ARHGEF19: variants seen among roughly 807,000 people sequenced by gnomAD.
ARHGEF19 encodes the protein Rho guanine nucleotide exchange factor (GEF) 19.
Under a neutral mutation model 87.6 loss-of-function variants are expected in ARHGEF19, and 92 were observed. The ratio of observed to expected loss-of-function variants is 1.05; its 90% CI spans 0.89 to 1.25. The LOEUF (loss-of-function observed/expected upper bound fraction) is 1.25, where lower values mean the gene tolerates loss of function less well. Among genes scored for constraint, ARHGEF19 ranks in the 50% most tolerant of loss-of-function variants. The pLI is 0.00. For synonymous variants in ARHGEF19, 438 were observed against 446.2 expected, an observed-to-expected ratio of 0.98 and a Z score of 0.23; for missense variants, 1,054 against 1,051.8, an observed-to-expected ratio of 1.00 and a Z score of -0.03.
intron 12 of ARHGEF19, among the ~76,000 whole-genome samples, chr1:16,203,387 G>T (rs2081099728): frequency 6.6e-6 from 1 of 152,032 alleles, no homozygotes. Flanking sequence ...GCTATGTCCT[G>T]TCTTTCCTCC....
chr1:16,207,801 T>G lies in ARHGEF19; in HGVS notation c.695-24A>C. ...CCCTGGAGAGGGCGAGAACTGAGGG[T>G]GGGGGGTCCAGAGAGTGGGCCTGGG... On this transcript the variant is annotated intron_variant, in intron 3 of 15. Coordinates refer to ENST00000270747, the MANE Select transcript of ARHGEF19 (RefSeq NM_153213.5). The surrounding 1 kb of genome is among the most constrained non-coding windows in gnomAD (Gnocchi z 4.0). 6.2e-7 allele frequency: 1 copy of G among 1,611,772 alleles called. No homozygotes were observed. The highest frequency in any genetic ancestry group is 1.3e-5 in the African/African-American group (1 of 74,884).
rs997932068 is a variant in ARHGEF19, at chr1:16,201,998, C to T, written c.2067-137G>A. ...GGCCTACCCTAGGGACCCATGTCTGCCCCACCCCAGGGCCCACCCCACAAC... is the reference window on the plus strand; with the variant it reads ...GGCCTACCCTAGGGACCCATGTCTGTCCCACCCCAGGGCCCACCCCACAAC... On this transcript the variant is annotated intron_variant, in intron 13 of 15. Transcript: ENST00000270747. The T allele has an allele frequency of 1.9e-5, 16 of 842,494 alleles. No homozygotes were observed. The Admixed American group carries it at 3.6e-4, about 19-fold the overall frequency. 52.2% of individuals were successfully genotyped at this position (842,494 alleles called of 1,614,324 possible).
chr1:16,208,010 G>T lies in ARHGEF19; in HGVS notation c.628C>A (p.Arg210Ser). The T allele has an allele frequency of 6.2e-7, 1 of 1,613,244 alleles. No homozygotes were observed. The change falls in exon 3 of 16, where the codon CGC (arginine) becomes AGC (serine). Residue 210 changes from arginine to serine, a missense_variant. Physicochemically the swap from Arg to Ser is moderately radical, Grantham distance 110. Coordinates refer to ENST00000270747, the MANE Select transcript of ARHGEF19 (RefSeq NM_153213.5). ...CGGGCTGCTGAATTCCGCCCCAGGC[G>T]CAGAGAAGAGTGCAGCCGGGTCATC... ...ELMTRLHSSL[R>S]LGRNSAARAL...
Position 16,198,337 on chromosome 1 carries a change from T to G in ARHGEF19, c.*250A>C, listed in dbSNP as rs1467508789. 1.1e-5 allele frequency: 4 copies of G among 377,304 alleles called. No homozygotes were observed. Among genetic ancestry groups the G allele is most frequent in the Non-Finnish European group, 4.7e-6 (1 of 212,656 alleles). The allele number at this position is 377,304 out of a possible 1,614,324, so 23.4% of individuals were successfully genotyped here. A position where few individuals can be genotyped will look rare whatever the true frequency, so the allele number is the denominator to read the frequency against. On this transcript the variant is annotated 3_prime_UTR_variant, in exon 16 of 16. Transcript: ENST00000270747. This position sits in a 1 kb window ranked among gnomAD's most constrained non-coding sequence, Gnocchi z 4.1. ...CCCAGTCTTTGCCAGGTATCAGTGATCACCTGTTATGGTCCCCATGTCAGA... is the reference window on the plus strand; with the variant it reads ...CCCAGTCTTTGCCAGGTATCAGTGAGCACCTGTTATGGTCCCCATGTCAGA...
Position 16,207,884 on chromosome 1 carries a change from C to CCG in ARHGEF19, c.694+59_694+60insCG. Reference sequence around the variant, plus strand: ...TCAGGCGGCCGGTGAGTGGGCATCGCCCACCCCCACCCCCACCCGGCATCT... The same window carrying CCG: ...TCAGGCGGCCGGTGAGTGGGCATCGCCGCCACCCCCACCCCCACCCGGCATCT... On this transcript the variant is annotated intron_variant, in intron 3 of 15. Coordinates refer to ENST00000270747, the MANE Select transcript of ARHGEF19 (RefSeq NM_153213.5). The surrounding 1 kb of genome is among the most constrained non-coding windows in gnomAD (Gnocchi z 4.0). 1 of 882,698 alleles carries CCG rather than the reference C, an allele frequency of 1.1e-6. No homozygotes were observed. The highest frequency in any genetic ancestry group is 1.7e-6 in the Non-Finnish European group (1 of 572,636). The allele number at this position is 882,698 out of a possible 1,614,324, so 54.7% of individuals were successfully genotyped here. A position where few individuals can be genotyped will look rare whatever the true frequency, so the allele number is the denominator to read the frequency against.
At chr1:16,211,583 G>C (rs2081197037) in intron 1 of ARHGEF19, among the ~76,000 whole-genome samples, 1 of 144,852 alleles carries the variant, frequency 6.9e-6, no homozygotes, top group Admixed American at 6.8e-5. Context: ...GATGAAGCTG[G>C]AGGCAGGTCC....
At chr1:16,202,379 G>A (rs1388671678) in intron 13 of ARHGEF19, 37 bp downstream of exon 13, 2 of 1,565,240 alleles carry the variant, frequency 1.3e-6, no homozygotes, top group African/African-American at 2.7e-5. Flanking sequence ...TCATGGGGAG[G>A]GGGAGCCTCC....
intron 12 of ARHGEF19, among the ~76,000 whole-genome samples, chr1:16,202,878 T>C (rs1402702718): frequency 7.8e-6 from 1 of 129,020 alleles, no homozygotes; most frequent in African/African-American, 2.5e-5. Context: ...TTTTGGCTTT[T>C]TGTTTTGTTT....
At position 16,204,914 on chromosome 1, in the gene ARHGEF19, G is replaced by C. The variant is rs1444949962; in HGVS notation, c.1752C>G (p.Phe584Leu). Residue 584 changes from phenylalanine (F) to leucine (L), a missense_variant, in exon 12 of 16, where the codon TTC (phenylalanine) becomes TTG (leucine). Physicochemically the swap from Phe to Leu is conservative, Grantham distance 22. Coordinates refer to ENST00000270747, the MANE Select transcript of ARHGEF19 (RefSeq NM_153213.5). ...GCCAGCGGGCCTGAGAGATCAGCGG[G>C]AAAATCTAGAGGGATGGAGAAGGAT... is the stretch of plus-strand genomic sequence containing the variant. The part of the protein sequence containing the change: ...SKKIHFEGKI[F>L]PLISQARWLV... 6.3e-7 allele frequency: 1 copy of C among 1,599,400 alleles called. No individual in the cohort carries two copies. Among genetic ancestry groups the C allele is most frequent in the Admixed American group, 1.7e-5 (1 of 58,012 alleles).
In ARHGEF19 at chr1:16,206,508, G is replaced by T. The variant is rs1485797522; in HGVS notation, c.1138-168C>A. 1 of 713,164 alleles carries T rather than the reference G, an allele frequency of 1.4e-6. No individual in the cohort carries two copies. The highest frequency in any genetic ancestry group is 2.4e-6 in the Non-Finnish European group (1 of 422,430). 44.2% of individuals were successfully genotyped at this position (713,164 alleles called of 1,614,324 possible). Reference sequence around the variant, plus strand: ...CCCGGCGACCCACGTCCCGCCGCGGGAAATTGTGCAAGCCTTTCCTGTCCT... The same window carrying T: ...CCCGGCGACCCACGTCCCGCCGCGGTAAATTGTGCAAGCCTTTCCTGTCCT... On this transcript the variant is annotated intron_variant, in intron 6 of 15. Transcript: ENST00000270747. The surrounding 1 kb of genome is among the most constrained non-coding windows in gnomAD (Gnocchi z 4.6).
intron 15 of ARHGEF19, 102 bp downstream of exon 15, chr1:16,199,048 G>C (rs578261495): frequency 8.5e-7 from 1 of 1,171,922 alleles, no homozygotes; most frequent in African/African-American, 1.5e-5. Context: ...TGCTGTGGCA[G>C]ATCAACACTT....
At position 16,206,911 on chromosome 1, in the gene ARHGEF19, C is replaced by G; in HGVS notation, c.1137+37G>C. ...AGTCCCCGGACCGCGTACTCCCCGG[C>G]CCGCCCCCGCCCCGCCGGGTCCCCG... On this transcript the variant is annotated intron_variant, in intron 6 of 15. Coordinates refer to ENST00000270747, the MANE Select transcript of ARHGEF19 (RefSeq NM_153213.5). This position sits in a 1 kb window ranked among gnomAD's most constrained non-coding sequence, Gnocchi z 4.6. 1 of 1,426,844 alleles carries G rather than the reference C, an allele frequency of 7.0e-7. No homozygotes were observed. The highest frequency in any genetic ancestry group is 9.1e-7 in the Non-Finnish European group (1 of 1,099,970). 88.4% of individuals were successfully genotyped at this position (1,426,844 alleles called of 1,614,324 possible). A position where few individuals can be genotyped will look rare whatever the true frequency, so the allele number is the denominator to read the frequency against.
rs764041675 is a variant in ARHGEF19, at chr1:16,201,732, G to T, written c.2146+50C>A. On this transcript the variant is annotated intron_variant, in intron 14 of 15. Coordinates refer to ENST00000270747, the MANE Select transcript of ARHGEF19 (RefSeq NM_153213.5). Reference sequence around the variant, plus strand: ...GCACCCAGGATGGGAGGGGAGGAGAGCGGGCGAGGGTCCAGCCCAGGGATG... The same window carrying T: ...GCACCCAGGATGGGAGGGGAGGAGATCGGGCGAGGGTCCAGCCCAGGGATG... The T allele has an allele frequency of 1.0e-5, 16 of 1,578,572 alleles. No individual in the cohort carries two copies. In the African/African-American group the frequency reaches 1.9e-4, roughly 19 times the overall value.
At position 16,205,355 on chromosome 1, in the gene ARHGEF19, T is replaced by C. The variant is rs900792785; in HGVS notation, c.1652A>G (p.Lys551Arg). 2 of 1,613,930 alleles carry C rather than the reference T, an allele frequency of 1.2e-6. No homozygotes were observed. The highest frequency in any genetic ancestry group is 1.7e-6 in the Non-Finnish European group (2 of 1,179,850). ...DMATKAFNALKELVQECNASV... is the reference protein window; with the variant it reads ...DMATKAFNALRELVQECNASV... ...CCCCTGCCCTGCCCAGCTCACCTCCTTGAGCGCATTGAAGGCCTTGGTGGC... is the reference window on the plus strand; with the variant it reads ...CCCCTGCCCTGCCCAGCTCACCTCCCTGAGCGCATTGAAGGCCTTGGTGGC... The change falls in exon 10 of 16, where the codon AAG becomes AGG. Residue 551 changes from lysine (K) to arginine (R), a missense_variant. Transcript: ENST00000270747. The surrounding 1 kb of genome is among the most constrained non-coding windows in gnomAD (Gnocchi z 5.8).
Position 16,206,180 on chromosome 1 carries a change from C to T in ARHGEF19, c.1298G>A (p.Arg433Lys). 1 of 1,593,614 alleles carries T rather than the reference C, an allele frequency of 6.3e-7. No individual in the cohort carries two copies. Among genetic ancestry groups the T allele is most frequent in the East Asian group, 2.3e-5 (1 of 44,398 alleles). ...GGGCCAGGCCAGACCACTTCTTCACCTCTCGCTGGTGCTCTTGACCTCGGG... is the reference window on the plus strand; with the variant it reads ...GGGCCAGGCCAGACCACTTCTTCACTTCTCGCTGGTGCTCTTGACCTCGGG... The part of the protein sequence containing the change: ...KLPEVKSTSE[R>K]FLQDLEQRLE... The change falls in exon 7 of 16, where the codon AGG becomes AAG. Residue 433 changes from arginine to lysine, a missense_variant and splice_region_variant. Transcript: ENST00000270747. This position sits in a 1 kb window ranked among gnomAD's most constrained non-coding sequence, Gnocchi z 4.6.
intron 15 of ARHGEF19, 115 bp downstream of exon 15, chr1:16,199,035 A>T: frequency 9.5e-7 from 1 of 1,051,602 alleles, no homozygotes; most frequent in South Asian, 1.4e-5. Flanking sequence ...CCTGATTCCC[A>T]CATGCTGTGG....
At position 16,205,101 on chromosome 1, in the gene ARHGEF19, G is replaced by T; in HGVS notation, c.1732C>A (p.His578Asn). 6.2e-7 allele frequency: 1 copy of T among 1,604,560 alleles called. No homozygotes were observed. The highest frequency in any genetic ancestry group is 1.1e-5 in the South Asian group (1 of 89,330). ...EELIHLSKKI[H>N]FEGKIFPLIS... ...CAGACACACACCTTGCCCTCAAAGT[G>T]GATCTTCTTGCTCAGGTGGATGAGT... The change falls in exon 11 of 16, where the codon CAC (histidine) becomes AAC (asparagine). Residue 578 changes from histidine (H) to asparagine (N), a missense_variant. Coordinates refer to ENST00000270747, the MANE Select transcript of ARHGEF19 (RefSeq NM_153213.5). The surrounding 1 kb of genome is among the most constrained non-coding windows in gnomAD (Gnocchi z 5.8).
intron 12 of ARHGEF19, 40 bp downstream of exon 12, chr1:16,204,719 G>T (rs1271692611): frequency 3.3e-6 from 5 of 1,524,160 alleles, no homozygotes; most frequent in Non-Finnish European, 4.4e-6. Flanking sequence ...AGAGAGCCTG[G>T]CTCCACTTTA....
At chr1:16,202,102 C>A (rs1388024380) in intron 13 of ARHGEF19, among the ~76,000 whole-genome samples, 1 of 152,064 alleles carries the variant, frequency 6.6e-6, no homozygotes, top group African/African-American at 2.4e-5. Context: ...CTACCCCCAT[C>A]CTGCCTAATG....
Sources: allele counts gnomAD v4.1 joint callset (sites outside exome capture counted in the v4.1 genomes callset), GRCh38; gene constraint gnomAD v4.1.1; non-coding constraint Gnocchi (gnomAD v3.1); transcripts MANE v1.5; gene names NCBI Gene and HGNC (gene_info 2026-07-23, HGNC 2026-07-21).